The following SETD2 variants were observed in gnomAD, a reference collection of about 807,000 sequenced individuals.
The protein encoded by SETD2 is histone-lysine N-methyltransferase SETD2.
A neutral mutation model predicts 242.1 loss-of-function variants in SETD2; 31 were observed. The observed-to-expected ratio is 0.13, with a 90% CI of 0.10 to 0.17. The LOEUF is 0.17. Among genes scored for constraint, SETD2 ranks in the 10% least tolerant of loss-of-function variants. The probability of loss-of-function intolerance (pLI) is 1.00; values close to 1 mark genes in which losing one functional copy is unlikely to be tolerated. For synonymous variants in SETD2, 1,006 were observed against 1,066.5 expected, an observed-to-expected ratio of 0.94 and a Z score of 1.11; for missense variants, 2,481 against 3,046.3, an observed-to-expected ratio of 0.81 and a Z score of 4.37.
chr3:47,017,312 G>C lies in SETD2; in HGVS notation c.7534-58C>G, dbSNP rs1033971564. 4 of 1,586,436 alleles carry C rather than the reference G, an allele frequency of 2.5e-6. No homozygotes were observed. Among genetic ancestry groups the C allele is most frequent in the Admixed American group, 1.7e-5 (1 of 58,754 alleles). On this transcript the variant is annotated intron_variant, in intron 20 of 20. Coordinates refer to ENST00000409792, the MANE Select transcript of SETD2 (RefSeq NM_014159.7). This position sits in a 1 kb window ranked among gnomAD's most constrained non-coding sequence, Gnocchi z 4.8. ...ACCAATCAGAGCAGAAATTATATGA[G>C]GGGGAGGACAGGGGTGGTAATCCAG...
rs776968785 is a variant in SETD2 at position 47,046,640 on chromosome 3, A to C, written c.6964-19T>G. On this transcript the variant is annotated intron_variant, in intron 15 of 20. Transcript: ENST00000409792. ...CATAACTCTAAAAGATAAAATGAAG[A>C]AATCAATAATTTAAGCTTTTGTCAC... The C allele has an allele frequency of 1.3e-6, 2 of 1,599,736 alleles. No individual in the cohort carries two copies. Among genetic ancestry groups the C allele is most frequent in the Admixed American group, 1.7e-5 (1 of 57,972 alleles).
intron 1 of SETD2, among the ~76,000 whole-genome samples, chr3:47,146,893 T>G (rs543253754): frequency 6.6e-6 from 1 of 152,004 alleles, no homozygotes; most frequent in African/African-American, 2.4e-5. Context: ...TGAGCCAGGT[T>G]TGCATTACTA....
intron 13 of SETD2, chr3:47,064,584 A>G: frequency 2.7e-6 from 1 of 368,490 alleles, no homozygotes; most frequent in Non-Finnish European, 5.8e-6. Context: ...TCTGCACCTT[A>G]GAATATGTGA....
At chr3:47,058,440 C>CAAAAAAAAAAAAAAAAAAAAAAAAA (rs1174283471) in intron 14 of SETD2, among the ~76,000 whole-genome samples, 1 of 21,974 alleles carries the variant, frequency 4.6e-5, no homozygotes, top group African/African-American at 2.5e-4. Context: ...GACACCGTCT[C>CAAAAAAAAAAAAAAAAAAAAAAAAA]AAAAAAAAAA....
At chr3:47,162,137 G>T (rs1337291616) in intron 1 of SETD2, among the ~76,000 whole-genome samples, 1 of 152,142 alleles carries the variant, frequency 6.6e-6, no homozygotes, top group African/African-American at 2.4e-5. Context: ...CCCAAGAAGT[G>T]TAAGGATGTG....
chr3:47,142,283 G>A (rs572693024), intron 1 of SETD2, among the ~76,000 whole-genome samples: 3 of 152,240 alleles, frequency 2.0e-5, no homozygotes, highest in African/African-American at 7.2e-5. Flanking sequence ...TGAGGCAGTA[G>A]GGTTGTTTGA....
At chr3:47,138,000 C>G in intron 1 of SETD2, among the ~76,000 whole-genome samples, 1 of 144,990 alleles carries the variant, frequency 6.9e-6, no homozygotes, top group African/African-American at 2.6e-5. Context: ...GAGACGGAGT[C>G]TCGCTCTGTC....
At chr3:47,125,048 G>A (rs2043271633) in intron 2 of SETD2, among the ~76,000 whole-genome samples, 2 of 152,142 alleles carry the variant, frequency 1.3e-5, no homozygotes, top group South Asian at 4.1e-4. Flanking sequence ...GTCGAGCACA[G>A]TGGCTCACAC....
In SETD2 at chr3:47,030,820, T is replaced by G. The variant is rs181501225; in HGVS notation, c.7350+6846A>C. On this transcript the variant is annotated intron_variant, in intron 18 of 20. Transcript: ENST00000409792. ...CTGTACATGGATGTTTTTAGTAGCT[T>G]TATTTATAATTGCCAAAAGTTGGAA... Among the ~76,000 whole-genome samples, 49 of 152,324 alleles carry G rather than the reference T, an allele frequency of 3.2e-4. 1 individual carries two copies. The highest frequency in any genetic ancestry group is 2.7e-3 in the Admixed American group (41 of 15,298).
chr3:47,061,592 G>A (rs1052199470), intron 14 of SETD2, among the ~76,000 whole-genome samples: 1 of 152,024 alleles, frequency 6.6e-6, no homozygotes, highest in Non-Finnish European at 1.5e-5. Context: ...ATTACATACC[G>A]AGATACTTTA....
Position 47,121,022 on chromosome 3 carries a change from T to G in SETD2, c.3614A>C (p.Tyr1205Ser), listed in dbSNP as rs780702915. 1.9e-6 allele frequency: 3 copies of G among 1,614,090 alleles called. No homozygotes were observed. The Admixed American group carries it at 5.0e-5, about 27-fold the overall frequency. The change falls in exon 3 of 21, where the codon TAT (tyrosine) becomes TCT (serine). Residue 1205 changes from tyrosine (Y) to serine (S), a missense_variant. This residue lies in a region of SETD2 where 1,300 missense variants were observed against 1,259.2 expected (regional missense o/e 1.03). Coordinates refer to ENST00000409792, the MANE Select transcript of SETD2 (RefSeq NM_014159.7). ...TGGGACATCTTCAAAATCAGAAGAA[T>G]AAATTGGCAGCTCTTCTTGCTGCCT... The part of the protein sequence containing the change: ...PSRQQEELPI[Y>S]SSDFEDVPNK...
At chr3:47,153,622 G>C (rs536452919) in intron 1 of SETD2, among the ~76,000 whole-genome samples, 1 of 151,884 alleles carries the variant, frequency 6.6e-6, no homozygotes, top group African/African-American at 2.4e-5. Flanking sequence ...GTGTGGTGGC[G>C]CATGCCTGTT....
intron 19 of SETD2, among the ~76,000 whole-genome samples, chr3:47,019,204 T>TA (rs2038110205): frequency 6.6e-6 from 1 of 152,196 alleles, no homozygotes; most frequent in Non-Finnish European, 1.5e-5. Context: ...AAATGAGATA[T>TA]TACAGAAAGA....
rs1449068041 is a variant in SETD2, at chr3:47,072,752, TG to T, written c.6061-5635del. 9.3e-5 allele frequency among the ~76,000 whole-genome samples: 14 copies of T among 151,154 alleles called. No homozygotes were observed. The Admixed American group carries it at 9.3e-4, about 10-fold the overall frequency. Reference sequence around the variant, plus strand: ...CGAGGTCAGGAGATTCAGACCATCCTGGCTAACACGGTGAAACCCTGTCTCT... The same window carrying T: ...CGAGGTCAGGAGATTCAGACCATCCTGCTAACACGGTGAAACCCTGTCTCT... On this transcript the variant is annotated intron_variant, in intron 12 of 20. Coordinates refer to ENST00000409792, the MANE Select transcript of SETD2 (RefSeq NM_014159.7).
intron 14 of SETD2, among the ~76,000 whole-genome samples, chr3:47,057,848 A>G (rs143423380): frequency 9.8e-4 from 149 of 152,350 alleles, no homozygotes; most frequent in African/African-American, 3.4e-3. Context: ...ACCAAGAAAT[A>G]ATCCAATACT....
chr3:47,049,918 ATATTATATATAAACTTATTCTATAAGT>A lies in SETD2; in HGVS notation c.6964-3324_6964-3298del, dbSNP rs1474889671. Among the ~76,000 whole-genome samples, 4 of 145,668 alleles carry A rather than the reference ATATTATATATAAACTTATTCTATAAGT, an allele frequency of 2.7e-5. No individual in the cohort carries two copies. The East Asian group carries it at 7.8e-4, about 29-fold the overall frequency. On this transcript the variant is annotated intron_variant, in intron 15 of 20. Transcript: ENST00000409792. Reference sequence around the variant, plus strand: ...ATATATAAACTTATTCTGAATTTATATATTATATATAAACTTATTCTATAAGTTTATATATTTGTACATATATTTATA... The same window carrying A: ...ATATATAAACTTATTCTGAATTTATATTATATATTTGTACATATATTTATA...
At chr3:47,038,359 C>A (rs1205480208) in intron 17 of SETD2, among the ~76,000 whole-genome samples, 1 of 152,082 alleles carries the variant, frequency 6.6e-6, no homozygotes, top group Non-Finnish European at 1.5e-5. Flanking sequence ...CATGCCTGTA[C>A]TCCCAGCACT....
chr3:47,106,549 T>C (rs999904184), intron 5 of SETD2, among the ~76,000 whole-genome samples: 26 of 128,770 alleles, frequency 2.0e-4, no homozygotes, highest in African/African-American at 6.9e-4. Context: ...CAGAGGCTCA[T>C]GCCTATAATC....
At chr3:47,139,299 A>G (rs908234003) in intron 1 of SETD2, among the ~76,000 whole-genome samples, 2 of 152,162 alleles carry the variant, frequency 1.3e-5, no homozygotes, top group African/African-American at 4.8e-5. Context: ...CTGAATGTCT[A>G]GTAGGTACTC....
Sources: gnomAD v4.1 joint callset for allele counts (sites outside exome capture counted in the v4.1 genomes callset) on GRCh38, gnomAD v4.1.1 for gene constraint, gnomAD v4.1.1 regional missense constraint, Gnocchi (gnomAD v3.1) non-coding constraint, MANE v1.5 for transcripts, NCBI Gene and HGNC (gene_info 2026-07-23, HGNC 2026-07-21) for gene names.